Variants in PCNT observed in about 807,000 individuals in gnomAD.
PCNT encodes the protein pericentrin, also known as kendrin.
In PCNT, 319 loss-of-function variants were observed where a neutral mutation model predicts 380.4. The ratio of observed to expected loss-of-function variants is 0.84; its 90% CI spans 0.77 to 0.92. The LOEUF (loss-of-function observed/expected upper bound fraction) is 0.92, where lower values mean the gene tolerates loss of function less well. Ranked by LOEUF, PCNT falls within the 40% of genes least tolerant of loss-of-function variation. The pLI is 0.00. For synonymous variants in PCNT, 1,845 were observed against 1,735.2 expected (o/e 1.06, Z -1.57); for missense variants, 4,400 against 4,255.3 (o/e 1.03, Z -0.95).
chr21:46,372,658 A>C (rs1369737824), intron 15 of PCNT, among the ~76,000 whole-genome samples: 1 of 152,246 alleles, frequency 6.6e-6, no homozygotes, highest in Non-Finnish European at 1.5e-5. Flanking sequence ...TTCTAGCCAT[A>C]AAGTAAGGTT....
At chr21:46,390,091 G>A (rs1159970543) in intron 19 of PCNT, among the ~76,000 whole-genome samples, 1 of 152,256 alleles carries the variant, frequency 6.6e-6, no homozygotes, top group Non-Finnish European at 1.5e-5. Flanking sequence ...CAGCCTGGCC[G>A]TGGACGGCCT....
chr21:46,385,136 C>T (rs3788263), intron 16 of PCNT, among the ~76,000 whole-genome samples: 39,294 of 152,152 alleles, frequency 0.26, 6,983 homozygotes, highest in African/African-American at 0.51. Flanking sequence ...AGGAGGACCA[C>T]TCCAGCCCAG....
At chr21:46,373,581 G>A (rs141209054) in intron 15 of PCNT, among the ~76,000 whole-genome samples, 6,984 of 144,396 alleles carry the variant, frequency 0.048, 203 homozygotes, top group Non-Finnish European at 0.064. Context: ...ACAGGCATGC[G>A]CCACCATGCC....
chr21:46,380,759 G>T (rs1356472002), intron 15 of PCNT, among the ~76,000 whole-genome samples: 1 of 152,246 alleles, frequency 6.6e-6, no homozygotes, highest in Non-Finnish European at 1.5e-5. Flanking sequence ...GAAAACACTG[G>T]TTTTGATGGT....
chr21:46,383,007 T>C (rs1448508735), intron 16 of PCNT, among the ~76,000 whole-genome samples: 1 of 120,066 alleles, frequency 8.3e-6, no homozygotes, highest in Non-Finnish European at 1.5e-5. Context: ...TTCACGGTGT[T>C]GTGCATTCAG....
chr21:46,413,558 CT>C (rs1200628022), intron 29 of PCNT, among the ~76,000 whole-genome samples: 1 of 152,238 alleles, frequency 6.6e-6, no homozygotes, highest in Admixed American at 6.5e-5. Context: ...TTAAGCCACT[CT>C]GTAGAAACAA....
rs745975677 is a variant in PCNT, at chr21:46,416,411, A to C, written c.6493A>C (p.Asn2165His). 5 of 1,614,188 alleles carry C rather than the reference A, an allele frequency of 3.1e-6. No homozygotes were observed. Among genetic ancestry groups the C allele is most frequent in the South Asian group, 1.1e-5 (1 of 91,080 alleles). Residue 2165 changes from asparagine (N) to histidine (H), a missense_variant, in exon 30 of 47, where the codon AAT becomes CAT. Asn to His is a moderately conservative substitution (Grantham distance 68). Coordinates refer to ENST00000359568, the MANE Select transcript of PCNT (RefSeq NM_006031.6). ...AGGGGGTGTAACTGATGTTATCAAA[A>C]ATTGGGATTCCTTGATACCAGATGA... Reference protein sequence around the residue: ...TPGGVTDVIKNWDSLIPDEMP... With the variant: ...TPGGVTDVIKHWDSLIPDEMP...
Position 46,388,963 on chromosome 21 carries a change from C to A in PCNT, c.3607+79C>A, listed in dbSNP as rs1032044436. ...CCTGGAGCTCTCTGAGAGGAGCCTCCGTATTGGGCGATGCCCTTGGGAGCA... is the reference window on the plus strand; with the variant it reads ...CCTGGAGCTCTCTGAGAGGAGCCTCAGTATTGGGCGATGCCCTTGGGAGCA... On this transcript the variant is annotated intron_variant, in intron 18 of 46. Transcript: ENST00000359568. This position sits in a 1 kb window ranked among gnomAD's most constrained non-coding sequence, Gnocchi z 4.2. 2 of 1,523,944 alleles carry A rather than the reference C, an allele frequency of 1.3e-6. No homozygotes were observed. Among genetic ancestry groups the A allele is most frequent in the African/African-American group, 1.4e-5 (1 of 72,880 alleles). 94.4% of individuals were successfully genotyped at this position (1,523,944 alleles called of 1,614,324 possible). A position where few individuals can be genotyped will look rare whatever the true frequency, so the allele number is the denominator to read the frequency against.
intron 32 of PCNT, among the ~76,000 whole-genome samples, chr21:46,422,657 G>A (rs938747113): frequency 6.6e-6 from 1 of 152,242 alleles, no homozygotes. Context: ...AAACAAGTGA[G>A]TGATAGAATG....
At chr21:46,413,026 G>A (rs547655993) in intron 29 of PCNT, 34 bp downstream of exon 29, 171 of 1,581,804 alleles carry the variant, frequency 1.1e-4, no homozygotes, top group African/African-American at 3.8e-4. Flanking sequence ...AGGTCCCCCC[G>A]GGAGAGGCTG....
chr21:46,398,309 T>A, intron 24 of PCNT, 54 bp downstream of exon 24: 1 of 1,535,250 alleles, frequency 6.5e-7, no homozygotes, highest in Non-Finnish European at 8.8e-7. Context: ...CAGGCTCCCC[T>A]GCGCTCGCTG....
At position 46,363,785 on chromosome 21, in the gene PCNT, C is replaced by T. The variant is rs2084800831; in HGVS notation, c.2460C>T (p.Arg820=). The change falls in exon 14 of 47, where the codon CGC becomes CGT. Residue 820 remains arginine (R), a synonymous_variant. Coordinates refer to ENST00000359568, the MANE Select transcript of PCNT (RefSeq NM_006031.6). ...LERSLTEQQG[R]LQQLEQDLTS... ...GGTCCTTGACGGAGCAGCAGGGCCGCCTGCAGCAGCTGGAACAGGACCTCA... is the reference window on the plus strand; with the variant it reads ...GGTCCTTGACGGAGCAGCAGGGCCGTCTGCAGCAGCTGGAACAGGACCTCA... 1.9e-6 allele frequency: 3 copies of T among 1,613,784 alleles called. No homozygotes were observed. Among genetic ancestry groups the T allele is most frequent in the Non-Finnish European group, 1.7e-6 (2 of 1,179,786 alleles).
intron 25 of PCNT, 147 bp downstream of exon 25, chr21:46,399,943 A>G (rs1601963251): frequency 3.9e-6 from 3 of 773,926 alleles, no homozygotes; most frequent in South Asian, 2.8e-5. Flanking sequence ...TCAGGGAGAA[A>G]CAGAAGTCAT....
chr21:46,397,146 A>G, intron 21 of PCNT, 119 bp from the exon 22 acceptor site: 1 of 817,180 alleles, frequency 1.2e-6, no homozygotes, highest in Non-Finnish European at 2.1e-6. Context: ...TTTACCCCGA[A>G]TTGAAGTGAC....
chr21:46,363,412 G>T, intron 13 of PCNT, 68 bp from the exon 14 acceptor site: 1 of 1,277,824 alleles, frequency 7.8e-7, no homozygotes, highest in East Asian at 2.3e-5. Context: ...AGGTGGGTTT[G>T]GGTTGTCTCT....
At chr21:46,402,923 A>C (rs1425307278) in intron 27 of PCNT, among the ~76,000 whole-genome samples, 1 of 152,230 alleles carries the variant, frequency 6.6e-6, no homozygotes, top group Non-Finnish European at 1.5e-5. Context: ...TTTTGTGAGT[A>C]CATAGTAGGT....
intron 15 of PCNT, among the ~76,000 whole-genome samples, chr21:46,379,831 C>T (rs769962195): frequency 3.9e-5 from 6 of 152,198 alleles, no homozygotes; most frequent in Non-Finnish European, 7.3e-5. Flanking sequence ...GCATTGTGCC[C>T]TCAGGGCTCT....
At chr21:46,346,261 A>C (rs1601793496) in intron 4 of PCNT, 53 bp downstream of exon 4, 105 of 989,900 alleles carry the variant, frequency 1.1e-4, no homozygotes, top group Non-Finnish European at 1.5e-4. Flanking sequence ...TTATCCCCAC[A>C]GGGCACAGTG....
At chr21:46,355,312 C>A in intron 11 of PCNT, 140 bp from the exon 12 acceptor site, 1 of 888,528 alleles carries the variant, frequency 1.1e-6, no homozygotes, top group Non-Finnish European at 1.8e-6. Flanking sequence ...CGGGGTTCAC[C>A]AGGGCGCAGC....
Sources: gnomAD v4.1 joint callset for allele counts (sites outside exome capture counted in the v4.1 genomes callset) on GRCh38, gnomAD v4.1.1 for gene constraint, Gnocchi (gnomAD v3.1) non-coding constraint, MANE v1.5 for transcripts, NCBI Gene and HGNC (gene_info 2026-07-23, HGNC 2026-07-21) for gene names.